TLL1: variants seen among roughly 807,000 people sequenced by gnomAD.
TLL1 encodes the protein tolloid like 1.
In TLL1, 49 loss-of-function variants were observed where a neutral mutation model predicts 128.2. The ratio of observed to expected loss-of-function variants is 0.38; its 90% CI spans 0.30 to 0.48. TLL1 has a LOEUF of 0.48. TLL1 is among the 20% of genes least tolerant of loss of function. The pLI is 0.96. For missense variants in TLL1, 1,123 were observed against 1,242.0 expected, an observed-to-expected ratio of 0.90 and a Z score of 1.44; for synonymous variants, 454 against 418.8, an observed-to-expected ratio of 1.08 and a Z score of -1.03.
rs549282630 is a variant in TLL1 at position 166,023,137 on chromosome 4, G to A, written c.1043-2179G>A. Among the ~76,000 whole-genome samples the A allele has an allele frequency of 4.6e-5, 7 of 152,276 alleles. No homozygotes were observed. The South Asian group carries it at 8.3e-4, about 18-fold the overall frequency. ...ATCTTGGCCAGGAGCAGTGGCTCAC[G>A]CCTGTAACCCCAGCACTTTGGGAGG... is the stretch of plus-strand genomic sequence containing the variant. On this transcript the variant is annotated intron_variant, in intron 8 of 20. Transcript: ENST00000061240.
intron 16 of TLL1, among the ~76,000 whole-genome samples, chr4:166,071,483 T>G (rs1283805264): frequency 6.6e-6 from 1 of 152,004 alleles, no homozygotes; most frequent in Non-Finnish European, 1.5e-5. Context: ...AACATTTATT[T>G]CTAGCACTAA....
chr4:166,075,994 A>G (rs17047225), intron 17 of TLL1, among the ~76,000 whole-genome samples: 9,749 of 152,236 alleles, frequency 0.064, 548 homozygotes, highest in African/African-American at 0.14. Flanking sequence ...CATAATATCC[A>G]TAACTTGGTA....
intron 9 of TLL1, among the ~76,000 whole-genome samples, chr4:166,033,017 G>T (rs1036318439): frequency 1.3e-5 from 2 of 152,056 alleles, no homozygotes; most frequent in Non-Finnish European, 2.9e-5. Flanking sequence ...TCAGAGAAAT[G>T]CTATTTGAAC....
At chr4:166,079,637 T>C (rs1274250876) in intron 18 of TLL1, among the ~76,000 whole-genome samples, 2 of 152,104 alleles carry the variant, frequency 1.3e-5, no homozygotes, top group Admixed American at 6.6e-5. Flanking sequence ...GTTTAGTAAT[T>C]TTTTGGTATT....
chr4:166,027,528 T>C (rs940412865), intron 9 of TLL1, among the ~76,000 whole-genome samples: 6 of 152,206 alleles, frequency 3.9e-5, no homozygotes, highest in Non-Finnish European at 7.3e-5. Flanking sequence ...TACAACTGAC[T>C]TGGAATACAT....
At chr4:166,099,626 C>CTAA (rs1742199703) in intron 20 of TLL1, 99 bp downstream of exon 20, 1 of 837,840 alleles carries the variant, frequency 1.2e-6, no homozygotes, top group African/African-American at 2.3e-5. Flanking sequence ...ATGCTTTTTG[C>CTAA]AAAAAAAAAA....
chr4:165,973,877 G>T (rs1363103364), intron 1 of TLL1, among the ~76,000 whole-genome samples: 1 of 152,012 alleles, frequency 6.6e-6, no homozygotes, highest in Non-Finnish European at 1.5e-5. Flanking sequence ...TATTGGTCAG[G>T]CTGGTTTCAA....
At chr4:166,097,336 A>G (rs1382746797) in intron 19 of TLL1, among the ~76,000 whole-genome samples, 2 of 152,116 alleles carry the variant, frequency 1.3e-5, no homozygotes, top group Non-Finnish European at 2.9e-5. Context: ...TTGGTATTCC[A>G]GCTTTCAGGA....
chr4:165,979,405 A>G (rs1053602629), intron 1 of TLL1, among the ~76,000 whole-genome samples: 7 of 152,142 alleles, frequency 4.6e-5, no homozygotes, highest in African/African-American at 1.7e-4. Flanking sequence ...AATCATACAG[A>G]TGAAAAAGAA....
At chr4:166,019,044 G>A (rs1579630915) in intron 8 of TLL1, among the ~76,000 whole-genome samples, 4 of 152,302 alleles carry the variant, frequency 2.6e-5, no homozygotes, top group Admixed American at 2.6e-4. Flanking sequence ...GCAAAGGCAT[G>A]GAATCAATCT....
intron 1 of TLL1, among the ~76,000 whole-genome samples, chr4:165,928,407 C>G (rs898462896): frequency 6.6e-6 from 1 of 152,080 alleles, no homozygotes; most frequent in Non-Finnish European, 1.5e-5. Flanking sequence ...AAGCCACTCT[C>G]TATAGGAGAG....
At chr4:165,925,169 T>C (rs1202882945) in intron 1 of TLL1, among the ~76,000 whole-genome samples, 4 of 152,242 alleles carry the variant, frequency 2.6e-5, no homozygotes, top group Non-Finnish European at 5.9e-5. Flanking sequence ...CAAGTGTTAT[T>C]GGTTAAGAAA....
chr4:166,035,686 G>A (rs76594996), intron 9 of TLL1, among the ~76,000 whole-genome samples: 6,740 of 152,152 alleles, frequency 0.044, 194 homozygotes, highest in African/African-American at 0.064. Flanking sequence ...TTAATGATCA[G>A]TTATTCCAGA....
intron 1 of TLL1, among the ~76,000 whole-genome samples, chr4:165,925,370 G>C (rs4367133): frequency 0.045 from 6,898 of 152,222 alleles, 279 homozygotes; most frequent in East Asian, 0.1. Context: ...CAACTCATAT[G>C]AATTACTGTG....
intron 6 of TLL1, among the ~76,000 whole-genome samples, chr4:166,006,303 T>G (rs1737423347): frequency 6.6e-6 from 1 of 151,848 alleles, no homozygotes; most frequent in South Asian, 2.1e-4. Context: ...TTTCCTTTCA[T>G]GTAATAAGTC....
chr4:165,915,557 C>T (rs1397166644), intron 1 of TLL1, among the ~76,000 whole-genome samples: 3 of 152,086 alleles, frequency 2.0e-5, no homozygotes, highest in Non-Finnish European at 4.4e-5. Flanking sequence ...ATTTAGTCAC[C>T]CCTCCCTCAG....
chr4:166,032,264 A>C (rs749302388), intron 9 of TLL1, among the ~76,000 whole-genome samples: 10 of 152,174 alleles, frequency 6.6e-5, no homozygotes, highest in Admixed American at 2.0e-4. Context: ...GTAGTATTAC[A>C]AATTATCAGT....
chr4:165,968,948 T>C (rs796393240), intron 1 of TLL1, among the ~76,000 whole-genome samples: 12 of 152,290 alleles, frequency 7.9e-5, no homozygotes, highest in African/African-American at 2.6e-4. Flanking sequence ...TAAATGTGTA[T>C]GTGTTAAGCC....
chr4:166,088,922 C>T (rs1234988927), intron 18 of TLL1, among the ~76,000 whole-genome samples: 1 of 152,130 alleles, frequency 6.6e-6, no homozygotes, highest in African/African-American at 2.4e-5. Context: ...TTCATTCAGT[C>T]TTCAATGGAC....
Sources: gnomAD v4.1 joint callset for allele counts (sites outside exome capture counted in the v4.1 genomes callset) on GRCh38, gnomAD v4.1.1 for gene constraint, MANE v1.5 for transcripts, NCBI Gene and HGNC (gene_info 2026-07-23, HGNC 2026-07-21) for gene names.